ATRNL1: variants seen among roughly 807,000 people sequenced by gnomAD.
ATRNL1 encodes the protein attractin like 1.
A neutral mutation model predicts 182.7 loss-of-function variants in ATRNL1; 95 were observed. That is an observed-to-expected ratio of 0.52 (90% CI 0.44 to 0.62). ATRNL1 has a LOEUF of 0.62. Ranked by LOEUF, ATRNL1 falls within the 20% of genes least tolerant of loss-of-function variation. ATRNL1 has a pLI of 0.00. For synonymous variants in ATRNL1, 576 were observed against 568.3 expected (o/e 1.01, Z -0.19); for missense variants, 1,471 against 1,679.5 (o/e 0.88, Z 2.17).
chr10:115,768,339 A>C (rs1948907302), intron 27 of ATRNL1, among the ~76,000 whole-genome samples: 1 of 150,904 alleles, frequency 6.6e-6, no homozygotes, highest in Admixed American at 6.6e-5. Context: ...TGCTTAAAAA[A>C]CCCTTTTTCT....
At chr10:115,421,679 T>G (rs1370003738) in intron 20 of ATRNL1, among the ~76,000 whole-genome samples, 21 of 152,082 alleles carry the variant, frequency 1.4e-4, no homozygotes, top group Admixed American at 1.4e-3. Flanking sequence ...ATTCTTTACA[T>G]AATTAGAAAA....
intron 27 of ATRNL1, among the ~76,000 whole-genome samples, chr10:115,791,128 A>T (rs1223364209): frequency 6.6e-6 from 1 of 152,104 alleles, no homozygotes; most frequent in African/African-American, 2.4e-5. Flanking sequence ...TTTCTCCCCC[A>T]GGTCCACATA....
chr10:115,162,780 A>C (rs1846853685), intron 6 of ATRNL1, among the ~76,000 whole-genome samples: 1 of 151,404 alleles, frequency 6.6e-6, no homozygotes. Context: ...AGGAGACTGA[A>C]AAAGAATGAC....
chr10:115,138,676 A>G (rs1218228960), intron 5 of ATRNL1, among the ~76,000 whole-genome samples: 3 of 152,196 alleles, frequency 2.0e-5, no homozygotes, highest in Non-Finnish European at 4.4e-5. Context: ...GGCCTGAGCC[A>G]TGAAGTCATC....
At chr10:115,235,360 C>G (rs1033335394) in intron 9 of ATRNL1, among the ~76,000 whole-genome samples, 13 of 152,062 alleles carry the variant, frequency 8.5e-5, no homozygotes, top group Non-Finnish European at 1.5e-4. Context: ...TCCATCAGCC[C>G]CAAAAGAAAC....
chr10:115,416,927 A>G (rs1845415686), intron 20 of ATRNL1, among the ~76,000 whole-genome samples: 2 of 152,194 alleles, frequency 1.3e-5, no homozygotes, highest in Non-Finnish European at 2.9e-5. Context: ...AGATGGCAGA[A>G]TAGGAGATAA....
At chr10:115,847,717 C>T (rs1950962309) in intron 27 of ATRNL1, among the ~76,000 whole-genome samples, 160 bp from the exon 28 acceptor site, 1 of 152,118 alleles carries the variant, frequency 6.6e-6, no homozygotes, top group South Asian at 2.1e-4. Context: ...AGGCCAAGTG[C>T]ACATCCATAG....
At chr10:115,899,593 C>A (rs557469859) in intron 28 of ATRNL1, among the ~76,000 whole-genome samples, 1 of 152,260 alleles carries the variant, frequency 6.6e-6, no homozygotes, top group African/African-American at 2.4e-5. Context: ...CAGGCCTGAA[C>A]CACTGTGCCA....
At position 115,164,446 on chromosome 10, in the gene ATRNL1, A is replaced by T. The variant is rs544367303; in HGVS notation, c.1005-1112A>T. Among the ~76,000 whole-genome samples, 143 of 152,266 alleles carry T rather than the reference A, an allele frequency of 9.4e-4. 1 individual carries two copies. Among genetic ancestry groups the T allele is most frequent in the African/African-American group, 3.3e-3 (138 of 41,572 alleles). The stretch of plus-strand genomic sequence containing the variant: ...GGAGGTTCCTCAAACTGAAAATAGA[A>T]TTACTATATGATCCAGCAAACCCAC... On this transcript the variant is annotated intron_variant, in intron 6 of 28. Coordinates refer to ENST00000355044, the MANE Select transcript of ATRNL1 (RefSeq NM_207303.4).
intron 25 of ATRNL1, among the ~76,000 whole-genome samples, chr10:115,545,659 A>G (rs10466205): frequency 6.6e-6 from 1 of 152,220 alleles, no homozygotes; most frequent in Non-Finnish European, 1.5e-5. Context: ...CTGAATCTTT[A>G]TTATGTAACT....
At chr10:115,516,630 C>A (rs1850653664) in intron 24 of ATRNL1, among the ~76,000 whole-genome samples, 1 of 151,882 alleles carries the variant, frequency 6.6e-6, no homozygotes, top group East Asian at 1.9e-4. Context: ...TTTGTCATGG[C>A]CAACGACCTA....
intron 26 of ATRNL1, among the ~76,000 whole-genome samples, chr10:115,555,686 A>T (rs1447345778): frequency 6.6e-6 from 1 of 151,922 alleles, no homozygotes; most frequent in Non-Finnish European, 1.5e-5. Context: ...TATTAACTGG[A>T]AAATATATGA....
At chr10:115,270,611 A>T (rs1851819963) in intron 13 of ATRNL1, among the ~76,000 whole-genome samples, 1 of 151,888 alleles carries the variant, frequency 6.6e-6, no homozygotes, top group Non-Finnish European at 1.5e-5. Context: ...AGGAGTGCAG[A>T]TGGTGTAAGT....
chr10:115,510,930 T>G (rs1850355484), intron 24 of ATRNL1, among the ~76,000 whole-genome samples: 1 of 151,954 alleles, frequency 6.6e-6, no homozygotes, highest in Non-Finnish European at 1.5e-5. Flanking sequence ...TCAGTTAAGT[T>G]TGTGTATTAA....
chr10:115,333,010 C>T (rs1200821351), intron 18 of ATRNL1, among the ~76,000 whole-genome samples: 9 of 152,142 alleles, frequency 5.9e-5, no homozygotes, highest in Admixed American at 5.9e-4. Context: ...GGTCCTCTGT[C>T]TGGCCAAGGC....
chr10:115,491,057 C>A (rs893093605), intron 24 of ATRNL1, among the ~76,000 whole-genome samples: 1 of 152,154 alleles, frequency 6.6e-6, no homozygotes, highest in Admixed American at 6.5e-5. Flanking sequence ...TTATCACCAG[C>A]GGAGCCAGCA....
intron 25 of ATRNL1, among the ~76,000 whole-genome samples, chr10:115,547,882 T>A (rs1852758440): frequency 6.6e-6 from 1 of 152,180 alleles, no homozygotes. Context: ...GAATATTACA[T>A]AAAGGGTGCT....
At chr10:115,283,358 G>A (rs928540926) in intron 14 of ATRNL1, among the ~76,000 whole-genome samples, 9 of 152,158 alleles carry the variant, frequency 5.9e-5, no homozygotes, top group African/African-American at 2.2e-4. Flanking sequence ...AGGTTGCAGT[G>A]AGCAGAGATC....
intron 26 of ATRNL1, among the ~76,000 whole-genome samples, chr10:115,691,538 A>G (rs1946393988): frequency 6.6e-6 from 1 of 152,136 alleles, no homozygotes; most frequent in South Asian, 2.1e-4. Context: ...CCTGAGGAAC[A>G]TGGCAAAACT....
Sources: allele counts gnomAD v4.1 joint callset (sites outside exome capture counted in the v4.1 genomes callset), GRCh38; gene constraint gnomAD v4.1.1; transcripts MANE v1.5; gene names NCBI Gene and HGNC (gene_info 2026-07-23, HGNC 2026-07-21).